Variants in PPP1R15A observed in about 807,000 individuals in gnomAD.
PPP1R15A encodes protein phosphatase 1 regulatory subunit 15A, also known as growth arrest and DNA damage-inducible protein GADD34.
Under a neutral mutation model 48.5 loss-of-function variants are expected in PPP1R15A, and 43 were observed. The observed-to-expected ratio is 0.89, with a 90% CI of 0.69 to 1.14. PPP1R15A has a LOEUF of 1.14. Among genes scored for constraint, PPP1R15A ranks in the 50% most tolerant of loss-of-function variants. The pLI is 0.00. For missense variants in PPP1R15A, 868 were observed against 847.2 expected (o/e 1.02, Z -0.30); for synonymous variants, 327 against 327.4 (o/e 1.00, Z 0.01).
Position 48,875,780 on chromosome 19 carries a change from C to T in PPP1R15A, c.1832C>T (p.Ala611Val). The T allele has an allele frequency of 6.2e-7, 1 of 1,613,894 alleles. No individual in the cohort carries two copies. The highest frequency in any genetic ancestry group is 1.1e-5 in the South Asian group (1 of 91,078). Reference protein sequence around the residue: ...EELSPCLTPAARARAWARLRN... With the variant: ...EELSPCLTPAVRARAWARLRN... ...CTGAGCCCCTGCCTCACCCCTGCTG[C>T]CCGGGCCAGAGCCTGGGCACGCCTC... Residue 611 changes from alanine (A) to valine (V), a missense_variant, in exon 3 of 3, where the codon GCC becomes GTC. Coordinates refer to ENST00000200453, the MANE Select transcript of PPP1R15A (RefSeq NM_014330.5).
rs377303017 is a variant in PPP1R15A, at chr19:48,874,127, G to A, written c.894G>A (p.Gln298=). The stretch of plus-strand genomic sequence containing the variant: ...CCTCAGCCCCAGCCCAGAGGCCCCA[G>A]CTCAAGTCCTGGTGGTGCCAACCCA... ...PQSSAPAQRP[Q]LKSWWCQPSD... Residue 298 remains glutamine (Q), a synonymous_variant, in exon 2 of 3, where the codon CAG becomes CAA. Transcript: ENST00000200453. 8 of 1,614,062 alleles carry A rather than the reference G, an allele frequency of 5.0e-6. No individual in the cohort carries two copies. In the Admixed American group the frequency reaches 8.3e-5, roughly 17 times the overall value.
At position 48,874,262 on chromosome 19, in the gene PPP1R15A, G is replaced by C; in HGVS notation, c.1029G>C (p.Val343=). 1 of 1,614,196 alleles carries C rather than the reference G, an allele frequency of 6.2e-7. No homozygotes were observed. The highest frequency in any genetic ancestry group is 8.5e-7 in the Non-Finnish European group (1 of 1,180,032). The change falls in exon 2 of 3, where the codon GTG becomes GTC. Residue 343 remains valine, a synonymous_variant. Transcript: ENST00000200453. ...CAAGTGCCTTCCTGAAGGCCTGGGT[G>C]TATTGGCCAGGAGAGGACACAGAGG... The part of the protein sequence containing the change: ...PPPSAFLKAW[V]YWPGEDTEEE...
chr19:48,874,505 T>G lies in PPP1R15A; in HGVS notation c.1272T>G (p.Pro424=). The change falls in exon 2 of 3, where the codon CCT becomes CCG. Residue 424 remains proline (P), a synonymous_variant. Coordinates refer to ENST00000200453, the MANE Select transcript of PPP1R15A (RefSeq NM_014330.5). ...CTGAGACTTCTGCTTCCACACCCCC[T>G]GCAAGTGCTTTCTTGAAGGCCTGGG... ...REAETSASTP[P]ASAFLKAWVY... The G allele has an allele frequency of 6.2e-7, 1 of 1,607,652 alleles. No homozygotes were observed. Among genetic ancestry groups the G allele is most frequent in the Non-Finnish European group, 8.5e-7 (1 of 1,178,002 alleles).
Position 48,874,028 on chromosome 19 carries a change from AG to A in PPP1R15A, c.796del (p.Glu266ArgfsTer74). 1 of 1,614,144 alleles carries A rather than the reference AG, an allele frequency of 6.2e-7. No individual in the cohort carries two copies. The highest frequency in any genetic ancestry group is 8.5e-7 in the Non-Finnish European group (1 of 1,180,016). ...CCAGGTCCTGGGAGTATCGTTCAGG[AG>A]AGGCGTCCGAGGAGAAGGAGGAAAA... ...DPRSWEYRSGEASEEKEEKAH... is the reference protein window; with the variant it reads ...DPRSWEYRSGXASEEKEEKAH... On this transcript the variant is annotated frameshift_variant, in exon 2 of 3. Transcript: ENST00000200453. LOFTEE classifies it high-confidence loss of function.
Position 48,874,289 on chromosome 19 carries a change from AGAGGAAGATGAG to A in PPP1R15A, c.1059_1070del (p.Glu357_Glu360del). 1.2e-6 allele frequency: 2 copies of A among 1,600,146 alleles called. No individual in the cohort carries two copies. Among genetic ancestry groups the A allele is most frequent in the Middle Eastern group, 1.7e-4 (1 of 5,976 alleles). ...ATTGGCCAGGAGAGGACACAGAGGA[AGAGGAAGATGAG>A]GAAGAAGATGAGGACAGTGACTCTG... On this transcript the variant is annotated inframe_deletion, in exon 2 of 3. Transcript: ENST00000200453.
intron 2 of PPP1R15A, 109 bp downstream of exon 2, chr19:48,875,007 A>G (rs1370247504): frequency 3.9e-6 from 5 of 1,289,242 alleles, no homozygotes; most frequent in East Asian, 5.3e-5. Context: ...CTCACTGCCA[A>G]CCTCTGCCGC....
chr19:48,872,498 A>T lies in PPP1R15A; in HGVS notation c.-163A>T, dbSNP rs763529747. ...CCCCGCGCCCGCTTGTCGCCACGGC[A>T]CTTGAGGCAGCCGGAGATACTCTGA... is the stretch of plus-strand genomic sequence containing the variant. On this transcript the variant is annotated 5_prime_UTR_variant, in exon 1 of 3. Transcript: ENST00000200453. 2.2e-6 allele frequency: 1 copy of T among 456,414 alleles called. No homozygotes were observed. The highest frequency in any genetic ancestry group is 4.4e-6 in the Non-Finnish European group (1 of 226,766). 28.3% of individuals were successfully genotyped at this position (456,414 alleles called of 1,614,324 possible). A position where few individuals can be genotyped will look rare whatever the true frequency, so the allele number is the denominator to read the frequency against.
rs2037047159 is a variant in PPP1R15A at position 48,874,152 on chromosome 19, A to C, written c.919A>C (p.Ser307Arg). The C allele has an allele frequency of 1.2e-6, 2 of 1,614,076 alleles. No homozygotes were observed. The highest frequency in any genetic ancestry group is 1.3e-5 in the African/African-American group (1 of 74,956). Residue 307 changes from serine (S) to arginine (R), a missense_variant, in exon 2 of 3, where the codon AGT becomes CGT. Transcript: ENST00000200453. ...GCTCAAGTCCTGGTGGTGCCAACCC[A>C]GTGATGAAGAGGAGGGTGAGGTCAA... ...PQLKSWWCQP[S>R]DEEEGEVKAL...
chr19:48,872,880 A>G (rs1422873995), intron 1 of PPP1R15A, among the ~76,000 whole-genome samples: 1 of 152,146 alleles, frequency 6.6e-6, no homozygotes, highest in Non-Finnish European at 1.5e-5. Context: ...CTTCAGCAGA[A>G]TGAGAGAGCT....
Position 48,874,134 on chromosome 19 carries a change from T to G in PPP1R15A, c.901T>G (p.Ser301Ala). 5.6e-6 allele frequency: 9 copies of G among 1,614,120 alleles called. No homozygotes were observed. The highest frequency in any genetic ancestry group is 6.8e-6 in the Non-Finnish European group (8 of 1,180,004). The change falls in exon 2 of 3, where the codon TCC becomes GCC. Residue 301 changes from serine to alanine, a missense_variant. By Grantham distance (99) the Ser-to-Ala change is moderately conservative. Coordinates refer to ENST00000200453, the MANE Select transcript of PPP1R15A (RefSeq NM_014330.5). Reference sequence around the variant, plus strand: ...CCCAGCCCAGAGGCCCCAGCTCAAGTCCTGGTGGTGCCAACCCAGTGATGA... The same window carrying G: ...CCCAGCCCAGAGGCCCCAGCTCAAGGCCTGGTGGTGCCAACCCAGTGATGA... ...SAPAQRPQLK[S>A]WWCQPSDEEE...
Position 48,874,679 on chromosome 19 carries a change from G to A in PPP1R15A, c.1446G>A (p.Trp482Ter). ...ACCAGAGGGCCCACTTCAGGGGCTG[G>A]GGATATCGACCTGGAAAAGAGACAG... Reference protein sequence around the residue: ...HPDQRAHFRGWGYRPGKETEE... With the variant: ...HPDQRAHFRG The change falls in exon 2 of 3, where the codon TGG becomes TGA. Residue 482 changes from tryptophan to a stop codon, truncating the protein, a stop_gained. Coordinates refer to ENST00000200453, the MANE Select transcript of PPP1R15A (RefSeq NM_014330.5). LOFTEE classifies it high-confidence loss of function. 6.2e-7 allele frequency: 1 copy of A among 1,613,836 alleles called. No homozygotes were observed. Among genetic ancestry groups the A allele is most frequent in the African/African-American group, 1.3e-5 (1 of 75,014 alleles).
rs1009377941 is a variant in PPP1R15A at position 48,875,653 on chromosome 19, G to A, written c.1705G>A (p.Val569Ile). Residue 569 changes from valine to isoleucine, a missense_variant, in exon 3 of 3, where the codon GTC becomes ATC. Physicochemically the swap from Val to Ile is conservative, Grantham distance 29. Transcript: ENST00000200453. ...GAAGGTCACTGTCCATTTCCTGGCTGTCTGGGCAGGGCCGGCCCAGGCCGC... is the reference window on the plus strand; with the variant it reads ...GAAGGTCACTGTCCATTTCCTGGCTATCTGGGCAGGGCCGGCCCAGGCCGC... ...SEKVTVHFLA[V>I]WAGPAQAARQ... 3.1e-6 allele frequency: 5 copies of A among 1,608,298 alleles called. No individual in the cohort carries two copies. Among genetic ancestry groups the A allele is most frequent in the Admixed American group, 1.7e-5 (1 of 59,596 alleles).
Position 48,873,977 on chromosome 19 carries a change from G to T in PPP1R15A, c.744G>T (p.Val248=), listed in dbSNP as rs1301829436. Residue 248 remains valine, a synonymous_variant, in exon 2 of 3, where the codon GTG becomes GTT. Coordinates refer to ENST00000200453, the MANE Select transcript of PPP1R15A (RefSeq NM_014330.5). The stretch of plus-strand genomic sequence containing the variant: ...GTAAAGGAGCCAGGAAGACCTCCGT[G>T]TCCCCCCGATCTTCAGGCTCCGACC... ...ERSKGARKTS[V]SPRSSGSDPR... is the part of the protein sequence containing the mutation. 9 of 1,614,038 alleles carry T rather than the reference G, an allele frequency of 5.6e-6. No homozygotes were observed. Among genetic ancestry groups the T allele is most frequent in the East Asian group, 4.5e-5 (2 of 44,898 alleles).
chr19:48,875,046 C>G (rs1207246003), intron 2 of PPP1R15A, 148 bp downstream of exon 2: 1 of 1,016,090 alleles, frequency 9.8e-7, no homozygotes, highest in African/African-American at 1.6e-5. Context: ...CGTGCCTCAG[C>G]CTCCAGAGTA....
chr19:48,875,980 C>T lies in PPP1R15A; in HGVS notation c.*7C>T. 1 of 1,554,078 alleles carries T rather than the reference C, an allele frequency of 6.4e-7. No homozygotes were observed. The highest frequency in any genetic ancestry group is 2.3e-5 in the East Asian group (1 of 44,126). On this transcript the variant is annotated 3_prime_UTR_variant, in exon 3 of 3. Coordinates refer to ENST00000200453, the MANE Select transcript of PPP1R15A (RefSeq NM_014330.5). ...CAGTGGGAGGCGTGGCTGAGACCAA[C>T]TGGTTTGCCTATAATTTATTAACTA...
rs1183303473 is a variant in PPP1R15A, at chr19:48,875,791, G to T, written c.1843G>T (p.Ala615Ser). The T allele has an allele frequency of 1.2e-6, 2 of 1,613,890 alleles. No homozygotes were observed. Among genetic ancestry groups the T allele is most frequent in the Non-Finnish European group, 1.7e-6 (2 of 1,179,842 alleles). The change falls in exon 3 of 3, where the codon GCC (alanine) becomes TCC (serine). Residue 615 changes from alanine to serine, a missense_variant. By Grantham distance (99) the Ala-to-Ser change is moderately conservative. Transcript: ENST00000200453. ...PCLTPAARAR[A>S]WARLRNPPLA... ...CCTCACCCCTGCTGCCCGGGCCAGA[G>T]CCTGGGCACGCCTCAGGAACCCACC...
Position 48,874,278 on chromosome 19 carries a change from GAC to G in PPP1R15A, c.1049_1050del (p.Thr350ArgfsTer6). 1 of 1,614,144 alleles carries G rather than the reference GAC, an allele frequency of 6.2e-7. No homozygotes were observed. The highest frequency in any genetic ancestry group is 8.5e-7 in the Non-Finnish European group (1 of 1,180,016). The part of the protein sequence containing the change: ...LKAWVYWPGE[D>X]TEEEEDEEED... ...GGCCTGGGTGTATTGGCCAGGAGAG[GAC>G]ACAGAGGAAGAGGAAGATGAGGAAG... is the stretch of plus-strand genomic sequence containing the variant. On this transcript the variant is annotated frameshift_variant, in exon 2 of 3. Coordinates refer to ENST00000200453, the MANE Select transcript of PPP1R15A (RefSeq NM_014330.5). LOFTEE classifies it high-confidence loss of function.
chr19:48,872,626 CCGG>C lies in PPP1R15A; in HGVS notation c.-34_-32del, dbSNP rs1312466331. The C allele has an allele frequency of 2.6e-6, 1 of 383,084 alleles. No individual in the cohort carries two copies. Among genetic ancestry groups the C allele is most frequent in the Non-Finnish European group, 5.4e-6 (1 of 184,308 alleles). The allele number at this position is 383,084 out of a possible 1,614,324, so 23.7% of individuals were successfully genotyped here. A position where few individuals can be genotyped will look rare whatever the true frequency, so the allele number is the denominator to read the frequency against. ...GCAGACCGAACCGGCGCTCCTGCCC[CCGG>C]GGTGACGCGCAGCTCCCAGCCGGTG... is the stretch of plus-strand genomic sequence containing the variant. On this transcript the variant is annotated 5_prime_UTR_variant, in exon 1 of 3. Transcript: ENST00000200453.
Position 48,876,005 on chromosome 19 carries a change from AT to A in PPP1R15A, c.*35del, listed in dbSNP as rs1247393439. On this transcript the variant is annotated 3_prime_UTR_variant, in exon 3 of 3. Transcript: ENST00000200453. ...CTGGTTTGCCTATAATTTATTAACT[AT>A]TTATTTTTTCTAAGTGTGGGTTTAT... 1 of 1,512,896 alleles carries A rather than the reference AT, an allele frequency of 6.6e-7. No individual in the cohort carries two copies. The highest frequency in any genetic ancestry group is 1.4e-5 in the African/African-American group (1 of 71,596). The allele number at this position is 1,512,896 out of a possible 1,614,324, so 93.7% of individuals were successfully genotyped here.
Sources: allele counts gnomAD v4.1 joint callset (sites outside exome capture counted in the v4.1 genomes callset), GRCh38; gene constraint gnomAD v4.1.1; transcripts MANE v1.5; gene names NCBI Gene and HGNC (gene_info 2026-07-23, HGNC 2026-07-21).